Variants in CMTM4 observed in about 807,000 individuals in gnomAD.
The protein encoded by CMTM4 is CKLF-like MARVEL transmembrane domain-containing protein 4.
Under a neutral mutation model 19.0 loss-of-function variants are expected in CMTM4, and 8 were observed. The ratio of observed to expected loss-of-function variants is 0.42; its 90% CI spans 0.25 to 0.76. CMTM4 has a LOEUF of 0.76. Among genes scored for constraint, CMTM4 ranks in the 30% least tolerant of loss-of-function variants. CMTM4 has a pLI of 0.27. For missense variants in CMTM4, 228 were observed against 290.2 expected, an observed-to-expected ratio of 0.79 and a Z score of 1.56; for synonymous variants, 106 against 121.1, an observed-to-expected ratio of 0.88 and a Z score of 0.82.
intron 1 of CMTM4, among the ~76,000 whole-genome samples, chr16:66,657,680 G>A (rs994501739): frequency 6.6e-6 from 1 of 152,192 alleles, no homozygotes; most frequent in South Asian, 2.1e-4. Context: ...TCAAAATAAA[G>A]GCTTTTTAAA....
downstream of CMTM4, chr16:66,613,361 A>C: frequency 2.0e-6 from 1 of 499,418 alleles, no homozygotes; most frequent in Non-Finnish European, 3.6e-6. Context: ...CAGTGGCATC[A>C]CAGTGACAGT....
intron 1 of CMTM4, among the ~76,000 whole-genome samples, chr16:66,683,009 GTAGA>G (rs2016943042): frequency 1.3e-5 from 2 of 151,292 alleles, no homozygotes; most frequent in Non-Finnish European, 2.9e-5. Flanking sequence ...CCTAGTAGCA[GTAGA>G]TAGTCTACTT....
At position 66,668,795 on chromosome 16, in the gene CMTM4, G is replaced by A. The variant is rs355976; in HGVS notation, c.186+27545C>T. On this transcript the variant is annotated intron_variant, in intron 1 of 3. Coordinates refer to ENST00000394106, the MANE Select transcript of CMTM4 (RefSeq NM_181521.3). ...CTAATAAAATTAATTTCTCATCTGC[G>A]TCAACAAAAAGAATATTACAACAGC... Among the ~76,000 whole-genome samples the A allele has an allele frequency of 4.0e-5, 6 of 151,664 alleles. No individual in the cohort carries two copies. In the South Asian group the frequency reaches 1.0e-3, roughly 26 times the overall value.
intron 2 of CMTM4, among the ~76,000 whole-genome samples, chr16:66,629,565 G>A (rs2015809315): frequency 1.3e-5 from 2 of 152,272 alleles, no homozygotes; most frequent in Middle Eastern, 3.4e-3. Flanking sequence ...AGTGATATGA[G>A]CATCTTTTGT....
chr16:66,689,436 C>T (rs1028866375), intron 1 of CMTM4, among the ~76,000 whole-genome samples: 36 of 151,938 alleles, frequency 2.4e-4, no homozygotes, highest in African/African-American at 7.7e-4. Context: ...TTTTGAGAAA[C>T]GGTCTCACTC....
At chr16:66,607,856 G>A in the CMTM4 span, among the ~76,000 whole-genome samples, 37 of 151,448 alleles carry the variant, frequency 2.4e-4, no homozygotes, top group South Asian at 5.9e-3. Flanking sequence ...TTGTAGGGGC[G>A]GGTGCGGACA....
chr16:66,649,536 C>T (rs1205061256), intron 1 of CMTM4, among the ~76,000 whole-genome samples: 1 of 151,628 alleles, frequency 6.6e-6, no homozygotes, highest in Non-Finnish European at 1.5e-5. Flanking sequence ...ATTTCCATGA[C>T]AGGTCATTTC....
chr16:66,688,157 CTT>C (rs1483718370), intron 1 of CMTM4, among the ~76,000 whole-genome samples: 1 of 152,120 alleles, frequency 6.6e-6, no homozygotes, highest in African/African-American at 2.4e-5. Flanking sequence ...CCTTCAAACT[CTT>C]TTAAAAGGGC....
At chr16:66,637,148 C>T (rs1220373227) in intron 1 of CMTM4, among the ~76,000 whole-genome samples, 39 of 152,142 alleles carry the variant, frequency 2.6e-4, no homozygotes, top group South Asian at 2.1e-4. Context: ...GAACAAGAGG[C>T]GCACCTAATT....
intron 1 of CMTM4, among the ~76,000 whole-genome samples, chr16:66,679,326 T>C (rs2016865068): frequency 1.3e-5 from 2 of 152,224 alleles, no homozygotes; most frequent in Admixed American, 6.5e-5. Flanking sequence ...AGCTTCCTCA[T>C]CACTTTTACT....
intron 1 of CMTM4, among the ~76,000 whole-genome samples, chr16:66,680,247 G>A (rs892713750): frequency 3.3e-5 from 5 of 152,192 alleles, no homozygotes; most frequent in African/African-American, 1.2e-4. Context: ...GGGAGGCCAA[G>A]GCGTATGGAT....
the CMTM4 span, chr16:66,605,025 G>C: frequency 1.5e-6 from 2 of 1,312,328 alleles, no homozygotes; most frequent in South Asian, 3.5e-5. The surrounding 1 kb of genome is among the most constrained non-coding windows in gnomAD (Gnocchi z 4.6). Flanking sequence ...GTCGGGGCGC[G>C]GGTGGGGTCC....
At chr16:66,683,131 A>G (rs113697714) in intron 1 of CMTM4, among the ~76,000 whole-genome samples, 4,484 of 114,944 alleles carry the variant, frequency 0.039, 189 homozygotes, top group African/African-American at 0.12. Flanking sequence ...GTGTGTGTGT[A>G]TATATATATA....
At chr16:66,644,966 C>A (rs2016164345) in intron 1 of CMTM4, among the ~76,000 whole-genome samples, 1 of 152,182 alleles carries the variant, frequency 6.6e-6, no homozygotes, top group Non-Finnish European at 1.5e-5. Flanking sequence ...ACCAGCATGG[C>A]ATGCAGACAG....
chr16:66,671,972 G>A (rs1427422606), intron 1 of CMTM4, among the ~76,000 whole-genome samples: 1 of 152,076 alleles, frequency 6.6e-6, no homozygotes, highest in African/African-American at 2.4e-5. Flanking sequence ...AGGATGTGGT[G>A]AGCCATGATC....
intron 1 of CMTM4, among the ~76,000 whole-genome samples, chr16:66,674,732 CTTTTTTTTTTTT>C (rs771044359): frequency 1.9e-4 from 18 of 92,486 alleles, no homozygotes; most frequent in Non-Finnish European, 2.6e-4. Context: ...GTTACATATT[CTTTTTTTTTTTT>C]TTTTTTTTTT....
chr16:66,649,916 C>G (rs1282622509), intron 1 of CMTM4, among the ~76,000 whole-genome samples: 1 of 152,142 alleles, frequency 6.6e-6, no homozygotes, highest in East Asian at 1.9e-4. Context: ...CAACCCTGAT[C>G]GTTTTGTGGC....
chr16:66,622,306 C>A lies in CMTM4; in HGVS notation c.463-84G>T, dbSNP rs1047163926. The A allele has an allele frequency of 1.8e-5, 27 of 1,463,054 alleles. No homozygotes were observed. Among genetic ancestry groups the A allele is most frequent in the Middle Eastern group, 2.1e-4 (1 of 4,756 alleles). 90.6% of individuals were successfully genotyped at this position (1,463,054 alleles called of 1,614,324 possible). A position where few individuals can be genotyped will look rare whatever the true frequency, so the allele number is the denominator to read the frequency against. On this transcript the variant is annotated intron_variant, in intron 3 of 3. Coordinates refer to ENST00000394106, the MANE Select transcript of CMTM4 (RefSeq NM_181521.3). This position sits in a 1 kb window ranked among gnomAD's most constrained non-coding sequence, Gnocchi z 4.0. The stretch of plus-strand genomic sequence containing the variant: ...TGTGGTGACCCAAGCCACATGCAGC[C>A]CCTTCCTGCTCTGCCAGCTGATCAT...
chr16:66,636,649 G>T, intron 1 of CMTM4, 68 bp from the exon 2 acceptor site: 3 of 1,283,634 alleles, frequency 2.3e-6, no homozygotes, highest in Non-Finnish European at 3.4e-6. Context: ...ATACGTACCT[G>T]CCATGCTTAT....
Sources: gnomAD v4.1 joint callset for allele counts (sites outside exome capture counted in the v4.1 genomes callset) on GRCh38, gnomAD v4.1.1 for gene constraint, Gnocchi (gnomAD v3.1) non-coding constraint, MANE v1.5 for transcripts, NCBI Gene and HGNC (gene_info 2026-07-23, HGNC 2026-07-21) for gene names.